KLHL1: variants seen among roughly 807,000 people sequenced by gnomAD.
KLHL1 encodes kelch like family member 1.
Under a neutral mutation model 77.7 loss-of-function variants are expected in KLHL1, and 47 were observed. The ratio of observed to expected loss-of-function variants is 0.60; its 90% CI spans 0.48 to 0.77. The LOEUF is 0.77. Among genes scored for constraint, KLHL1 ranks in the 30% least tolerant of loss-of-function variants. The pLI, the probability that KLHL1 is intolerant of heterozygous loss-of-function variation, is 0.00. For synonymous variants in KLHL1, 360 were observed against 325.2 expected (o/e 1.11, Z -1.15); for missense variants, 925 against 910.8 (o/e 1.02, Z -0.20).
At chr13:69,735,609 A>T (rs1198555252) in intron 8 of KLHL1, among the ~76,000 whole-genome samples, 2 of 150,434 alleles carry the variant, frequency 1.3e-5, no homozygotes, top group African/African-American at 4.8e-5. Context: ...ATAAATAAAC[A>T]TGAATAACCT....
intron 2 of KLHL1, among the ~76,000 whole-genome samples, chr13:69,964,174 G>A (rs1884147635): frequency 6.6e-6 from 1 of 152,080 alleles, no homozygotes; most frequent in African/African-American, 2.4e-5. Flanking sequence ...CTCTCAAACA[G>A]CTAGGATCAC....
intron 4 of KLHL1, among the ~76,000 whole-genome samples, chr13:69,890,489 T>TGCTGAATAGCTC (rs1323425533): frequency 6.6e-6 from 1 of 152,052 alleles, no homozygotes; most frequent in African/African-American, 2.4e-5. Flanking sequence ...GAGGAAGCCC[T>TGCTGAATAGCTC]TATCACTGCT....
intron 4 of KLHL1, among the ~76,000 whole-genome samples, chr13:69,932,741 C>T (rs970404266): frequency 6.6e-6 from 1 of 151,382 alleles, no homozygotes; most frequent in African/African-American, 2.4e-5. Flanking sequence ...TTTTAGAAAT[C>T]GAAGCTCAGT....
At chr13:69,766,332 G>A (rs1016441964) in intron 7 of KLHL1, among the ~76,000 whole-genome samples, 8 of 152,020 alleles carry the variant, frequency 5.3e-5, no homozygotes, top group African/African-American at 1.7e-4. Flanking sequence ...ATATGCAAAT[G>A]TTGAGTTCCT....
intron 6 of KLHL1, among the ~76,000 whole-genome samples, chr13:69,800,422 CCA>C (rs1877326344): frequency 6.6e-6 from 1 of 152,020 alleles, no homozygotes; most frequent in African/African-American, 2.4e-5. Flanking sequence ...TATTTATACT[CCA>C]GTCTTCAATC....
rs555996722 is a variant in KLHL1, at chr13:69,946,049, GATAAT to G, written c.818-5818_818-5814del. Among the ~76,000 whole-genome samples the G allele has an allele frequency of 6.6e-3, 1,006 of 152,244 alleles. 11 individuals carry two copies. Among genetic ancestry groups the G allele is most frequent in the African/African-American group, 0.023 (974 of 41,554 alleles). On this transcript the variant is annotated intron_variant, in intron 3 of 10. Transcript: ENST00000377844. ...CCATGGTTACTTATGTTGAGTGCAA[GATAAT>G]TAGGCTGAGTGAAAGAAACCAGACA...
chr13:69,740,573 A>G lies in KLHL1; in HGVS notation c.1640-17T>C, dbSNP rs575705337. ...CTGTTACACCTAAAATATTAGATAA[A>G]TGAATGTAGTGCCTATAGTTAATAT... On this transcript the variant is annotated splice_polypyrimidine_tract_variant and intron_variant, in intron 7 of 10. Transcript: ENST00000377844. 28 of 1,583,092 alleles carry G rather than the reference A, an allele frequency of 1.8e-5. No homozygotes were observed. The highest frequency in any genetic ancestry group is 9.1e-5 in the South Asian group (8 of 87,710).
chr13:69,724,844 G>A (rs957480358), intron 8 of KLHL1, among the ~76,000 whole-genome samples: 1 of 152,038 alleles, frequency 6.6e-6, no homozygotes, highest in Non-Finnish European at 1.5e-5. Context: ...GCCTCAATAA[G>A]AAAATTAATT....
In KLHL1 at chr13:69,719,398, G is replaced by C. The variant is rs761832656; in HGVS notation, c.1986C>G (p.His662Gln). The change falls in exon 9 of 11, where the codon CAC becomes CAG. Residue 662 changes from histidine to glutamine, a missense_variant. Coordinates refer to ENST00000377844, the MANE Select transcript of KLHL1 (RefSeq NM_020866.3). ...CTACATAATCCAGTAGCCGGGAACA[G>C]TGATTTGAAGCAGGAGCATCATGAC... ...VGGHDAPASN[H>Q]CSRLLDYVER... 1 of 1,613,538 alleles carries C rather than the reference G, an allele frequency of 6.2e-7. No individual in the cohort carries two copies. The highest frequency in any genetic ancestry group is 2.2e-5 in the East Asian group (1 of 44,848).
intron 3 of KLHL1, among the ~76,000 whole-genome samples, chr13:69,958,925 T>G (rs1246459112): frequency 1.3e-5 from 2 of 152,004 alleles, no homozygotes; most frequent in Admixed American, 1.3e-4. Context: ...TCTATACAAC[T>G]GATCACTTGT....
At chr13:69,986,258 C>T (rs1026555878) in intron 1 of KLHL1, among the ~76,000 whole-genome samples, 3 of 151,844 alleles carry the variant, frequency 2.0e-5, no homozygotes, top group Admixed American at 6.6e-5. Context: ...TCTGTTGTTC[C>T]GTTGCACAGT....
chr13:69,814,405 G>A (rs572903724), intron 6 of KLHL1, among the ~76,000 whole-genome samples: 1 of 152,016 alleles, frequency 6.6e-6, no homozygotes, highest in Admixed American at 6.6e-5. Flanking sequence ...CTATTGAGAG[G>A]TAATTAAACT....
intron 5 of KLHL1, among the ~76,000 whole-genome samples, chr13:69,859,258 C>CTT (rs34612932): frequency 0.016 from 2,271 of 143,514 alleles, 34 homozygotes; most frequent in Non-Finnish European, 0.02. Flanking sequence ...CCATTTTGCA[C>CTT]TTTTTTTTTT....
intron 8 of KLHL1, among the ~76,000 whole-genome samples, chr13:69,724,589 A>G (rs1471972450): frequency 6.6e-6 from 1 of 152,134 alleles, no homozygotes; most frequent in Non-Finnish European, 1.5e-5. Context: ...CTATGAATAT[A>G]CATACAAAAA....
chr13:70,084,546 C>T, intron 1 of KLHL1, among the ~76,000 whole-genome samples: 1 of 134,554 alleles, frequency 7.4e-6, no homozygotes, highest in Non-Finnish European at 1.5e-5. Context: ...GCAAGCTCCA[C>T]CTTCCGGGTT....
intron 6 of KLHL1, among the ~76,000 whole-genome samples, chr13:69,835,957 T>G (rs1420877827): frequency 6.6e-6 from 1 of 152,146 alleles, no homozygotes; most frequent in Admixed American, 6.6e-5. Context: ...TGGATTAGTT[T>G]GTATCAGACA....
At chr13:69,989,249 T>C (rs1271385358) in intron 1 of KLHL1, among the ~76,000 whole-genome samples, 1 of 151,996 alleles carries the variant, frequency 6.6e-6, no homozygotes, top group Admixed American at 6.6e-5. Context: ...TTGTCACCTT[T>C]GTCAAAAATC....
intron 8 of KLHL1, among the ~76,000 whole-genome samples, chr13:69,720,758 A>G (rs1873010533): frequency 6.6e-6 from 1 of 151,540 alleles, no homozygotes; most frequent in African/African-American, 2.4e-5. Flanking sequence ...ATAGTGAGTG[A>G]AAAGTTTCAG....
chr13:70,068,306 A>C (rs967027184), intron 1 of KLHL1, among the ~76,000 whole-genome samples: 3 of 152,058 alleles, frequency 2.0e-5, no homozygotes, highest in Non-Finnish European at 4.4e-5. Flanking sequence ...GCGCCACTGC[A>C]CTCCAGCCTG....
Sources: allele counts gnomAD v4.1 joint callset (sites outside exome capture counted in the v4.1 genomes callset), GRCh38; gene constraint gnomAD v4.1.1; transcripts MANE v1.5; gene names NCBI Gene and HGNC (gene_info 2026-07-23, HGNC 2026-07-21).